The following LCORL variants were observed in gnomAD, a reference collection of about 807,000 sequenced individuals.
LCORL encodes the protein ligand dependent nuclear receptor corepressor like.
LCORL carries 41 observed loss-of-function variants against 141.8 expected under a neutral mutation model. That is an observed-to-expected ratio of 0.29 (90% CI 0.23 to 0.38). The LOEUF (loss-of-function observed/expected upper bound fraction) is 0.38. Among genes scored for constraint, LCORL ranks in the 10% least tolerant of loss-of-function variants. The pLI, the probability that LCORL is intolerant of heterozygous loss-of-function variation, is 1.00. For missense variants in LCORL, 1,759 were observed against 2,035.0 expected, an observed-to-expected ratio of 0.86 and a Z score of 2.61; for synonymous variants, 618 against 694.1, an observed-to-expected ratio of 0.89 and a Z score of 1.72.
chr4:17,879,616 G>A (rs1158830614), intron 6 of LCORL, among the ~76,000 whole-genome samples: 1 of 150,950 alleles, frequency 6.6e-6, no homozygotes, highest in Non-Finnish European at 1.5e-5. Flanking sequence ...TGACTCCCAG[G>A]ATTCAATTAC....
At chr4:17,987,204 C>A (rs1194170717) in intron 1 of LCORL, among the ~76,000 whole-genome samples, 1 of 152,136 alleles carries the variant, frequency 6.6e-6, no homozygotes, top group Non-Finnish European at 1.5e-5. Context: ...GTCTGTATTT[C>A]TTGTCCATTC....
intron 4 of LCORL, among the ~76,000 whole-genome samples, chr4:17,953,259 C>T (rs1711837901): frequency 6.6e-6 from 1 of 152,142 alleles, no homozygotes; most frequent in Middle Eastern, 3.2e-3. Flanking sequence ...TGGGCATACA[C>T]CCAGTAATGG....
chr4:17,935,641 C>A (rs1436100649), intron 4 of LCORL, among the ~76,000 whole-genome samples: 1 of 152,186 alleles, frequency 6.6e-6, no homozygotes, highest in Non-Finnish European at 1.5e-5. Context: ...ATGTGATACA[C>A]TGGCTCCTCC....
intron 5 of LCORL, among the ~76,000 whole-genome samples, chr4:17,894,852 C>G (rs1208028851): frequency 6.6e-6 from 1 of 152,038 alleles, no homozygotes; most frequent in Non-Finnish European, 1.5e-5. Flanking sequence ...CCGTGTTCAA[C>G]ATTTTTGGTA....
intron 1 of LCORL, among the ~76,000 whole-genome samples, chr4:18,010,868 C>G (rs978139447): frequency 6.6e-6 from 1 of 152,144 alleles, no homozygotes; most frequent in East Asian, 1.9e-4. Flanking sequence ...AAATTAACAG[C>G]CATGATTGTT....
chr4:17,847,547 AT>A (rs1723079316), intron 7 of LCORL, among the ~76,000 whole-genome samples: 2 of 152,250 alleles, frequency 1.3e-5, no homozygotes, highest in African/African-American at 4.8e-5. Flanking sequence ...GTAGCTTAGT[AT>A]GCATCAATAG....
chr4:18,004,779 A>T (rs1319565558), intron 1 of LCORL, among the ~76,000 whole-genome samples: 1 of 152,240 alleles, frequency 6.6e-6, no homozygotes, highest in African/African-American at 2.4e-5. Flanking sequence ...CCTTCTGCCT[A>T]TGAACCTGTA....
intron 7 of LCORL, among the ~76,000 whole-genome samples, chr4:17,850,940 A>C (rs1386285352): frequency 6.7e-6 from 1 of 150,102 alleles, no homozygotes; most frequent in Non-Finnish European, 1.5e-5. Flanking sequence ...ATGGAATACT[A>C]TGCAGCCATA....
chr4:17,993,296 G>A (rs184902475), intron 1 of LCORL, among the ~76,000 whole-genome samples: 28 of 152,152 alleles, frequency 1.8e-4, no homozygotes, highest in East Asian at 1.4e-3. Context: ...CCTCTGTCTC[G>A]GGTTCAAGCA....
chr4:17,981,606 C>A (rs1347421635), intron 1 of LCORL, among the ~76,000 whole-genome samples: 2 of 151,884 alleles, frequency 1.3e-5, no homozygotes, highest in African/African-American at 4.8e-5. Context: ...GGGGTGGTGG[C>A]ATGCACCTGT....
intron 1 of LCORL, among the ~76,000 whole-genome samples, chr4:18,017,667 G>A (rs923373269): frequency 2.0e-5 from 3 of 152,068 alleles, no homozygotes; most frequent in Admixed American, 1.3e-4. Flanking sequence ...TAAGGTTGAC[G>A]AAGTGTTCCC....
chr4:17,961,079 A>G (rs935226778), intron 4 of LCORL, among the ~76,000 whole-genome samples: 1 of 152,144 alleles, frequency 6.6e-6, no homozygotes, highest in African/African-American at 2.4e-5. Context: ...ATCTCATTCC[A>G]AAGAGGAGTA....
chr4:17,926,673 T>A (rs1287110507), intron 4 of LCORL, among the ~76,000 whole-genome samples: 1 of 152,200 alleles, frequency 6.6e-6, no homozygotes, highest in Non-Finnish European at 1.5e-5. Context: ...ATCATGTGAG[T>A]CAATACTCCT....
intron 5 of LCORL, among the ~76,000 whole-genome samples, chr4:17,903,500 A>G (rs1731174713): frequency 6.6e-6 from 1 of 152,078 alleles, no homozygotes; most frequent in Non-Finnish European, 1.5e-5. Flanking sequence ...TGATATTTAA[A>G]AAATATATAC....
chr4:18,009,801 T>C (rs1375212550), intron 1 of LCORL, among the ~76,000 whole-genome samples: 1 of 151,504 alleles, frequency 6.6e-6, no homozygotes, highest in Non-Finnish European at 1.5e-5. Flanking sequence ...TAGCATGCCT[T>C]CCAATGGAGA....
intron 4 of LCORL, among the ~76,000 whole-genome samples, chr4:17,932,444 G>C: frequency 6.6e-6 from 1 of 151,914 alleles, no homozygotes; most frequent in East Asian, 1.9e-4. Flanking sequence ...CCTTAGTTAG[G>C]CTGTTTGGTA....
chr4:17,967,460 C>T (rs1715129218), intron 2 of LCORL, among the ~76,000 whole-genome samples: 1 of 152,062 alleles, frequency 6.6e-6, no homozygotes. Context: ...TGCTAATATA[C>T]AGGGACCTGA....
At position 18,021,678 on chromosome 4, in the gene LCORL, C is replaced by A; in HGVS notation, c.74G>T (p.Arg25Leu). The A allele has an allele frequency of 6.5e-7, 1 of 1,538,518 alleles. No individual in the cohort carries two copies. The highest frequency in any genetic ancestry group is 8.8e-7 in the Non-Finnish European group (1 of 1,142,038). ...TCTCTCCGCCGCGCACCGAGGGCTC[C>A]GGCACTGAGCGGCGGCGGCGGCGGC... is the stretch of plus-strand genomic sequence containing the variant. The change falls in exon 1 of 8, where the codon CGG (arginine) becomes CTG (leucine). Residue 25 changes from arginine to leucine, a missense_variant. Physicochemically the swap from Arg to Leu is moderately radical, Grantham distance 102. Coordinates refer to ENST00000635767, the Ensembl canonical transcript of LCORL. This position sits in a 1 kb window ranked among gnomAD's most constrained non-coding sequence, Gnocchi z 5.5.
Position 17,961,891 on chromosome 4 carries a change from T to C in LCORL, c.430+12A>G. 1 of 1,597,218 alleles carries C rather than the reference T, an allele frequency of 6.3e-7. No homozygotes were observed. The highest frequency in any genetic ancestry group is 8.5e-7 in the Non-Finnish European group (1 of 1,173,748). ...ATTGCAAATTTTAAATGACAAAGCATACCAATATTACCTTTCTTTCGAAAG... is the reference window on the plus strand; with the variant it reads ...ATTGCAAATTTTAAATGACAAAGCACACCAATATTACCTTTCTTTCGAAAG... On this transcript the variant is annotated intron_variant, in intron 4 of 7. Transcript: ENST00000635767.
Sources: allele counts gnomAD v4.1 joint callset (sites outside exome capture counted in the v4.1 genomes callset), GRCh38; gene constraint gnomAD v4.1.1; non-coding constraint Gnocchi (gnomAD v3.1); transcripts MANE v1.5; gene names NCBI Gene and HGNC (gene_info 2026-07-23, HGNC 2026-07-21).